The following RAI14 variants were observed in gnomAD, a reference collection of about 807,000 sequenced individuals.
RAI14 encodes the protein retinoic acid induced 14.
Under a neutral mutation model 115.4 loss-of-function variants are expected in RAI14, and 45 were observed. That is an observed-to-expected ratio of 0.39 (90% CI 0.31 to 0.50). The LOEUF (loss-of-function observed/expected upper bound fraction) is 0.50. RAI14 is among the 20% of genes least tolerant of loss of function. RAI14 has a pLI of 0.85. For synonymous variants in RAI14, 371 were observed against 415.4 expected (o/e 0.89, Z 1.30); for missense variants, 939 against 1,131.2 (o/e 0.83, Z 2.44).
At chr5:34,771,133 G>GC (rs1176751959) in intron 3 of RAI14, among the ~76,000 whole-genome samples, 1 of 152,186 alleles carries the variant, frequency 6.6e-6, no homozygotes, top group Non-Finnish European at 1.5e-5. Context: ...TTGGGGCAGG[G>GC]CAGTGATCTT....
chr5:34,760,783 A>G (rs1482604880), intron 3 of RAI14, among the ~76,000 whole-genome samples: 3 of 152,218 alleles, frequency 2.0e-5, no homozygotes, highest in Non-Finnish European at 2.9e-5. Flanking sequence ...AAAGTATACA[A>G]TGTAGAGGCA....
At chr5:34,810,269 C>T (rs886448611) in intron 7 of RAI14, among the ~76,000 whole-genome samples, 1 of 152,078 alleles carries the variant, frequency 6.6e-6, no homozygotes, top group South Asian at 2.1e-4. Context: ...AACAACTTCT[C>T]TTTATGGTTT....
chr5:34,778,291 G>A (rs1248742468), intron 3 of RAI14, among the ~76,000 whole-genome samples: 1 of 152,200 alleles, frequency 6.6e-6, no homozygotes, highest in Non-Finnish European at 1.5e-5. Context: ...AGTAGATTTG[G>A]AGTGGTGCCT....
chr5:34,811,806 C>G lies in RAI14; in HGVS notation c.597C>G (p.Asn199Lys). 6.2e-7 allele frequency: 1 copy of G among 1,613,316 alleles called. No homozygotes were observed. Residue 199 changes from asparagine (N) to lysine (K), a missense_variant, in exon 9 of 18, where the codon AAC (asparagine) becomes AAG (lysine). Asn to Lys is a moderately conservative substitution (Grantham distance 94, BLOSUM62 0). Transcript: ENST00000265109. ...TGGCCTGTGAGATTGGCAGCTCTAACGCTGTGGAAGCCTTAATTAAAAAGG... is the reference window on the plus strand; with the variant it reads ...TGGCCTGTGAGATTGGCAGCTCTAAGGCTGTGGAAGCCTTAATTAAAAAGG... ...LMLACEIGSS[N>K]AVEALIKKGA...
chr5:34,758,824 C>G (rs887887295), intron 3 of RAI14, among the ~76,000 whole-genome samples: 1 of 152,214 alleles, frequency 6.6e-6, no homozygotes, highest in Non-Finnish European at 1.5e-5. Flanking sequence ...ACAGCAGAGA[C>G]TACATGGCTC....
chr5:34,779,884 A>T (rs1048739792), intron 3 of RAI14, among the ~76,000 whole-genome samples: 1 of 152,106 alleles, frequency 6.6e-6, no homozygotes, highest in Non-Finnish European at 1.5e-5. Context: ...AAAGTTCATA[A>T]GGAACCAAAA....
At chr5:34,761,179 A>G (rs1488021249) in intron 3 of RAI14, among the ~76,000 whole-genome samples, 1 of 152,078 alleles carries the variant, frequency 6.6e-6, no homozygotes, top group Non-Finnish European at 1.5e-5. Context: ...CTCTTCCTGA[A>G]TTTACCTTTT....
chr5:34,768,168 A>T (rs2150124088), intron 3 of RAI14, among the ~76,000 whole-genome samples: 1 of 147,200 alleles, frequency 6.8e-6, no homozygotes, highest in Admixed American at 7.0e-5. Flanking sequence ...CTCTTGCATC[A>T]GTGTGACTTG....
intron 13 of RAI14, 118 bp from the exon 14 acceptor site, chr5:34,821,614 C>G: frequency 1.6e-6 from 1 of 641,956 alleles, no homozygotes; most frequent in Non-Finnish European, 2.7e-6. Context: ...GCTGCTAGGG[C>G]GTTTTATAAT....
At position 34,665,194 on chromosome 5, in the gene RAI14, TATATACAC is replaced by T; in HGVS notation, c.-49+8721_-49+8728del. ...ATATACACACATATATATATGTATA[TATATACAC>T]ACACCACAGTTTCTTTATCCACTCA... On this transcript the variant is annotated intron_variant, in intron 1 of 17. Transcript: ENST00000265109. Among the ~76,000 whole-genome samples, 3 of 101,024 alleles carry T rather than the reference TATATACAC, an allele frequency of 3.0e-5. 1 individual carries two copies. The highest frequency in any genetic ancestry group is 6.3e-4 in the South Asian group (2 of 3,170). The allele number at this position is 101,024 out of a possible 152,430, so 66.3% of individuals were successfully genotyped here. A position where few individuals can be genotyped will look rare whatever the true frequency, so the allele number is the denominator to read the frequency against.
chr5:34,768,261 G>A (rs1167919360), intron 3 of RAI14, among the ~76,000 whole-genome samples: 1 of 151,972 alleles, frequency 6.6e-6, no homozygotes, highest in African/African-American at 2.4e-5. Context: ...TGAGCACCTA[G>A]CCCAGTGTTG....
intron 11 of RAI14, 95 bp downstream of exon 11, chr5:34,813,755 T>C: frequency 1.1e-6 from 1 of 951,632 alleles, no homozygotes; most frequent in Non-Finnish European, 1.5e-6. Flanking sequence ...GTTTTAGAAC[T>C]GACCTTTAAG....
chr5:34,722,463 T>C (rs1742891691), intron 2 of RAI14, among the ~76,000 whole-genome samples: 1 of 151,910 alleles, frequency 6.6e-6, no homozygotes, highest in Admixed American at 6.6e-5. Context: ...GATTTTGTAA[T>C]GGCAGCTCTA....
chr5:34,670,817 A>G (rs1743560020), intron 1 of RAI14, among the ~76,000 whole-genome samples: 1 of 152,214 alleles, frequency 6.6e-6, no homozygotes, highest in East Asian at 1.9e-4. Context: ...TTGCATTAAC[A>G]AGGTCCTCAG....
intron 3 of RAI14, among the ~76,000 whole-genome samples, chr5:34,775,808 A>G (rs1486049515): frequency 6.6e-6 from 1 of 152,206 alleles, no homozygotes; most frequent in Non-Finnish European, 1.5e-5. Context: ...GAACCCTCAT[A>G]CACTGTTGGG....
intron 3 of RAI14, among the ~76,000 whole-genome samples, chr5:34,769,781 A>G (rs2150128029): frequency 6.6e-6 from 1 of 152,318 alleles, no homozygotes; most frequent in Middle Eastern, 3.4e-3. Context: ...GCTGGAGTGC[A>G]GTGGTGTGAT....
intron 1 of RAI14, among the ~76,000 whole-genome samples, chr5:34,676,329 G>A (rs1034418312): frequency 6.6e-6 from 1 of 152,150 alleles, no homozygotes; most frequent in African/African-American, 2.4e-5. Context: ...TGTTTAGACG[G>A]TGGTATTGTA....
At chr5:34,825,463 C>T (rs539213689) in intron 15 of RAI14, among the ~76,000 whole-genome samples, 1 of 152,140 alleles carries the variant, frequency 6.6e-6, no homozygotes, top group African/African-American at 2.4e-5. Flanking sequence ...GGATTCAGAA[C>T]AGATTCCTCC....
At chr5:34,737,267 A>C (rs1744987283) in intron 2 of RAI14, among the ~76,000 whole-genome samples, 1 of 143,710 alleles carries the variant, frequency 7.0e-6, no homozygotes, top group African/African-American at 2.6e-5. Context: ...GTAGTGCAGG[A>C]TGTGCTGAGG....
Sources: gnomAD v4.1 joint callset for allele counts (sites outside exome capture counted in the v4.1 genomes callset) on GRCh38, gnomAD v4.1.1 for gene constraint, MANE v1.5 for transcripts, NCBI Gene and HGNC (gene_info 2026-07-23, HGNC 2026-07-21) for gene names.